The following PCDHGB2 variants were observed in gnomAD, a reference collection of about 807,000 sequenced individuals.
PCDHGB2 encodes the protein protocadherin gamma subfamily B, 2.
PCDHGB2 carries 55 observed loss-of-function variants against 59.3 expected under a neutral mutation model. That is an observed-to-expected ratio of 0.93 (90% CI 0.75 to 1.16). PCDHGB2 has a LOEUF of 1.16. Among genes scored for constraint, PCDHGB2 ranks in the 50% most tolerant of loss-of-function variants. The probability of loss-of-function intolerance (pLI) is 0.00; values close to 1 mark genes in which losing one functional copy is unlikely to be tolerated. For synonymous variants in PCDHGB2, 516 were observed against 512.0 expected (o/e 1.01, Z -0.11); for missense variants, 1,228 against 1,198.5 (o/e 1.02, Z -0.36).
intron 1 of PCDHGB2, chr5:141,375,733 G>C: frequency 6.2e-7 from 1 of 1,614,248 alleles, no homozygotes; most frequent in South Asian, 1.1e-5. Context: ...CACTGAGCCT[G>C]TTTGTGCTGG....
In PCDHGB2 at chr5:141,428,146, C is replaced by G. The variant is rs549173211; in HGVS notation, c.2421+65590C>G. The G allele has an allele frequency of 1.3e-5, 21 of 1,589,348 alleles. No individual in the cohort carries two copies. The East Asian group carries it at 4.0e-4, about 30-fold the overall frequency. Reference sequence around the variant, plus strand: ...GGGCTTTTCAGCCTGGGGCTGCACACGGGAACCTGCTGGTTGCTGTGCGTG... The same window carrying G: ...GGGCTTTTCAGCCTGGGGCTGCACAGGGGAACCTGCTGGTTGCTGTGCGTG... On this transcript the variant is annotated intron_variant, in intron 1 of 3. Transcript: ENST00000522605.
chr5:141,505,322 G>A, intron 2 of PCDHGB2, 71 bp from the exon 3 acceptor site: 1 of 1,606,332 alleles, frequency 6.2e-7, no homozygotes, highest in African/African-American at 1.3e-5. Context: ...TGGGAGCCCT[G>A]GGAGAGGACA....
rs192424877 is a variant in PCDHGB2, at chr5:141,361,678, T to C, written c.1543T>C (p.Phe515Leu). Residue 515 changes from phenylalanine (F) to leucine (L), a missense_variant, in exon 1 of 4, where the codon TTC (phenylalanine) becomes CTC (leucine). By Grantham distance (22) the Phe-to-Leu change is conservative. Coordinates refer to ENST00000522605, the MANE Select transcript of PCDHGB2 (RefSeq NM_018923.3). The stretch of plus-strand genomic sequence containing the variant: ...CGTGAGCGCGCAGAGCGGGGTGGTG[T>C]TCGCGCAGCGCGCCTTCGATCATGA... Reference protein sequence around the residue: ...VSVSAQSGVVFAQRAFDHEQL... With the variant: ...VSVSAQSGVVLAQRAFDHEQL... The C allele has an allele frequency of 2.5e-3, 4,039 of 1,613,592 alleles. 13 individuals carry two copies. The highest frequency in any genetic ancestry group is 3.0e-3 in the Non-Finnish European group (3,545 of 1,179,894).
At chr5:141,415,401 G>A (rs1408496357) in intron 1 of PCDHGB2, 9 of 1,614,088 alleles carry the variant, frequency 5.6e-6, no homozygotes, top group East Asian at 2.2e-5. Context: ...TGTCCGGCTC[G>A]CACTTTGTGG....
intron 1 of PCDHGB2, chr5:141,430,857 A>C (rs748992376): frequency 1.9e-6 from 3 of 1,591,316 alleles, no homozygotes; most frequent in Non-Finnish European, 2.6e-6. Flanking sequence ...CAGATACGCT[A>C]TTCAGTTCCG....
intron 1 of PCDHGB2, chr5:141,405,187 G>T (rs372851700): frequency 9.3e-6 from 15 of 1,613,480 alleles, no homozygotes; most frequent in Non-Finnish European, 1.3e-5. Flanking sequence ...GTGTAGATGG[G>T]GTTCGAGCTT....
intron 1 of PCDHGB2, chr5:141,383,863 C>T: frequency 6.2e-7 from 1 of 1,613,890 alleles, no homozygotes; most frequent in South Asian, 1.1e-5. Flanking sequence ...GGTTCAGGCT[C>T]AAGATGGTCC....
chr5:141,487,695 C>T lies in PCDHGB2; in HGVS notation c.2422-7112C>T, dbSNP rs1345224043. The stretch of plus-strand genomic sequence containing the variant: ...TGGCTAGGCCATGTCCTAGAGAGTA[C>T]TGGCCTCTCAGTAAGTGCCCATAGT... On this transcript the variant is annotated intron_variant, in intron 1 of 3. Coordinates refer to ENST00000522605, the MANE Select transcript of PCDHGB2 (RefSeq NM_018923.3). The surrounding 1 kb of genome is among the most constrained non-coding windows in gnomAD (Gnocchi z 5.0). 2 of 1,601,306 alleles carry T rather than the reference C, an allele frequency of 1.2e-6. No individual in the cohort carries two copies. Among genetic ancestry groups the T allele is most frequent in the East Asian group, 2.2e-5 (1 of 44,606 alleles).
intron 1 of PCDHGB2, among the ~76,000 whole-genome samples, chr5:141,448,117 A>G (rs564444141): frequency 6.6e-6 from 1 of 152,094 alleles, no homozygotes; most frequent in Non-Finnish European, 1.5e-5. Flanking sequence ...AAAGAAAATT[A>G]GCCTCCCCCA....
At chr5:141,370,782 C>G in intron 1 of PCDHGB2, 1 of 1,613,988 alleles carries the variant, frequency 6.2e-7, no homozygotes, top group Non-Finnish European at 8.5e-7. Context: ...TAACGACAAC[C>G]CACCGACCTT....
chr5:141,430,773 G>A (rs375524585), intron 1 of PCDHGB2: 2 of 1,507,932 alleles, frequency 1.3e-6, no homozygotes, highest in Non-Finnish European at 1.8e-6. Flanking sequence ...ATTCCTGCGC[G>A]ACTGCACCGG....
intron 1 of PCDHGB2, among the ~76,000 whole-genome samples, chr5:141,443,829 A>G (rs1387307023): frequency 6.6e-6 from 1 of 152,228 alleles, no homozygotes; most frequent in Non-Finnish European, 1.5e-5. Flanking sequence ...ATAATTAGGT[A>G]AAATGGGTAA....
chr5:141,372,797 CA>C (rs1769078994), intron 1 of PCDHGB2: 2 of 1,597,434 alleles, frequency 1.3e-6, no homozygotes, highest in Admixed American at 3.5e-5. Flanking sequence ...CTAATTCAGG[CA>C]ATTTGCAAAA....
chr5:141,389,840 C>T (rs2150401266), intron 1 of PCDHGB2: 2 of 1,614,048 alleles, frequency 1.2e-6, no homozygotes, highest in Non-Finnish European at 8.5e-7. Context: ...AGCCACCACT[C>T]TCGGCCACTG....
chr5:141,371,939 C>G (rs1561553418), intron 1 of PCDHGB2: 6 of 1,613,300 alleles, frequency 3.7e-6, no homozygotes, highest in Non-Finnish European at 5.1e-6. Context: ...GGGTGGTGTT[C>G]GCGCAGCGAG....
At chr5:141,408,776 C>A in intron 1 of PCDHGB2, 2 of 1,611,684 alleles carry the variant, frequency 1.2e-6, no homozygotes, top group Non-Finnish European at 1.7e-6. Flanking sequence ...TGGCAAATAC[C>A]CAGAGTTATC....
chr5:141,361,085 T>A lies in PCDHGB2; in HGVS notation c.950T>A (p.Leu317Gln). 6.2e-7 allele frequency: 1 copy of A among 1,614,014 alleles called. No homozygotes were observed. Among genetic ancestry groups the A allele is most frequent in the Non-Finnish European group, 8.5e-7 (1 of 1,179,890 alleles). ...LDFEIASSYT[L>Q]SIEAKDPGDL... ...TTTGAGATTGCAAGTAGTTACACTCTGAGTATCGAAGCAAAAGATCCTGGA... is the reference window on the plus strand; with the variant it reads ...TTTGAGATTGCAAGTAGTTACACTCAGAGTATCGAAGCAAAAGATCCTGGA... Residue 317 changes from leucine to glutamine, a missense_variant, in exon 1 of 4, where the codon CTG (leucine) becomes CAG (glutamine). By Grantham distance (113) the Leu-to-Gln change is moderately radical (BLOSUM62 -2). Coordinates refer to ENST00000522605, the MANE Select transcript of PCDHGB2 (RefSeq NM_018923.3).
rs774563598 is a variant in PCDHGB2 at position 141,431,225 on chromosome 5, C to T, written c.2422-63582C>T. 16 of 1,614,118 alleles carry T rather than the reference C, an allele frequency of 9.9e-6. No individual in the cohort carries two copies. The highest frequency in any genetic ancestry group is 1.2e-5 in the Non-Finnish European group (14 of 1,180,036). On this transcript the variant is annotated intron_variant, in intron 1 of 3. Transcript: ENST00000522605. The surrounding 1 kb of genome is among the most constrained non-coding windows in gnomAD (Gnocchi z 4.8). ...CACTGAGATGCGGTTCCCTCTACCC[C>T]ACGCCTGGGATCCGGATATCGGGAA...
intron 1 of PCDHGB2, chr5:141,421,294 A>G (rs779984795): frequency 1.9e-6 from 3 of 1,613,304 alleles, no homozygotes; most frequent in Non-Finnish European, 2.5e-6. Context: ...TTTCCTGGGG[A>G]CGCTGCGGGG....
Sources: gnomAD v4.1 joint callset for allele counts (sites outside exome capture counted in the v4.1 genomes callset) on GRCh38, gnomAD v4.1.1 for gene constraint, Gnocchi (gnomAD v3.1) non-coding constraint, MANE v1.5 for transcripts, NCBI Gene and HGNC (gene_info 2026-07-23, HGNC 2026-07-21) for gene names.